PMEPA1: variants seen among roughly 807,000 people sequenced by gnomAD.
The protein encoded by PMEPA1 is prostate transmembrane protein, androgen induced 1, also known as protein TMEPAI.
A neutral mutation model predicts 23.0 loss-of-function variants in PMEPA1; 11 were observed. The ratio of observed to expected loss-of-function variants is 0.48; its 90% confidence interval spans 0.30 to 0.79. The LOEUF (loss-of-function observed/expected upper bound fraction) is 0.79, where lower values mean the gene tolerates loss of function less well. Among genes scored for constraint, PMEPA1 ranks in the 30% least tolerant of loss-of-function variants. PMEPA1 has a pLI of 0.06. For missense variants in PMEPA1, 377 were observed against 390.9 expected (o/e 0.96, Z 0.30); for synonymous variants, 204 against 166.4 (o/e 1.23, Z -1.74).
At chr20:57,659,869 G>C (rs1436857855) in intron 1 of PMEPA1, among the ~76,000 whole-genome samples, 172 bp from the exon 2 acceptor site, 2 of 152,250 alleles carry the variant, frequency 1.3e-5, no homozygotes, top group Non-Finnish European at 2.9e-5. Flanking sequence ...TGGGGCTGGG[G>C]TACGTGCAGG....
At position 57,655,499 on chromosome 20, in the gene PMEPA1, T is replaced by C. The variant is rs1422711171; in HGVS notation, c.265-2413A>G. ...GTTGCTACTTAAGTGCGGAAGTTGC[T>C]GGGTGACCCGTGCAAGTCATCTTTG... On this transcript the variant is annotated intron_variant, in intron 2 of 3. Coordinates refer to ENST00000341744, the MANE Select transcript of PMEPA1 (RefSeq NM_020182.5). This position sits in a 1 kb window ranked among gnomAD's most constrained non-coding sequence, Gnocchi z 4.2. Among the ~76,000 whole-genome samples, 3 of 152,252 alleles carry C rather than the reference T, an allele frequency of 2.0e-5. No homozygotes were observed. Among genetic ancestry groups the C allele is most frequent in the Non-Finnish European group, 4.4e-5 (3 of 68,042 alleles).
In PMEPA1 at chr20:57,709,937, G is replaced by GCCT. The variant is rs959113268; in HGVS notation, c.-358_-356dup. Reference sequence around the variant, plus strand: ...CGCCTCCGCCGCCGCCGCCGCCGCCGCCTCCTCCTCCTCATTCAAGTCCAA... The same window carrying GCCT: ...CGCCTCCGCCGCCGCCGCCGCCGCCGCCTCCTCCTCCTCCTCATTCAAGTCCAA... On this transcript the variant is annotated 5_prime_UTR_variant, in exon 1 of 4. Transcript: ENST00000341744. 24 of 1,009,756 alleles carry GCCT rather than the reference G, an allele frequency of 2.4e-5. No individual in the cohort carries two copies. Among genetic ancestry groups the GCCT allele is most frequent in the Admixed American group, 1.8e-4 (3 of 16,708 alleles). 62.5% of individuals were successfully genotyped at this position (1,009,756 alleles called of 1,614,324 possible). A position where few individuals can be genotyped will look rare whatever the true frequency, so the allele number is the denominator to read the frequency against.
rs1189007456 is a variant in PMEPA1, at chr20:57,682,757, G to A, written c.110-23060C>T. Among the ~76,000 whole-genome samples the A allele has an allele frequency of 6.6e-6, 1 of 152,250 alleles. No homozygotes were observed. Among genetic ancestry groups the A allele is most frequent in the Non-Finnish European group, 1.5e-5 (1 of 68,044 alleles). ...CTGGAGGAAGGAAAGTTCAATGGATGAGCTATAAATATTTCTGCTAGATGC... is the reference window on the plus strand; with the variant it reads ...CTGGAGGAAGGAAAGTTCAATGGATAAGCTATAAATATTTCTGCTAGATGC... On this transcript the variant is annotated intron_variant, in intron 1 of 3. Transcript: ENST00000341744. This position sits in a 1 kb window ranked among gnomAD's most constrained non-coding sequence, Gnocchi z 4.4.
intron 1 of PMEPA1, among the ~76,000 whole-genome samples, chr20:57,702,703 C>T (rs1455210175): frequency 6.6e-6 from 1 of 152,208 alleles, no homozygotes; most frequent in Non-Finnish European, 1.5e-5. Context: ...GCTGTGTGAC[C>T]TCGAGCAAGT....
At position 57,702,226 on chromosome 20, in the gene PMEPA1, C is replaced by T. The variant is rs974460511; in HGVS notation, c.109+7248G>A. Among the ~76,000 whole-genome samples, 9 of 152,208 alleles carry T rather than the reference C, an allele frequency of 5.9e-5. No homozygotes were observed. The East Asian group carries it at 7.7e-4, about 13-fold the overall frequency. On this transcript the variant is annotated intron_variant, in intron 1 of 3. Coordinates refer to ENST00000341744, the MANE Select transcript of PMEPA1 (RefSeq NM_020182.5). ...GAGGTGTGTGGCAGATGGTGCTGAA[C>T]GCTGAGCCCCTGCGGAGGCTGTGTC...
rs1448699285 is a variant in PMEPA1, at chr20:57,652,614, C to G, written c.319-16G>C. On this transcript the variant is annotated splice_polypyrimidine_tract_variant and intron_variant, in intron 3 of 3. Coordinates refer to ENST00000341744, the MANE Select transcript of PMEPA1 (RefSeq NM_020182.5). This position sits in a 1 kb window ranked among gnomAD's most constrained non-coding sequence, Gnocchi z 6.1. ...AGACCTGCGGCTGGAGGAAGCAGAG[C>G]GGGAGTGAGGGAGGGCGGCTGTCTC... The G allele has an allele frequency of 1.4e-6, 2 of 1,455,506 alleles. No homozygotes were observed. Among genetic ancestry groups the G allele is most frequent in the African/African-American group, 2.8e-5 (2 of 70,304 alleles). 90.2% of individuals were successfully genotyped at this position (1,455,506 alleles called of 1,614,324 possible). A position where few individuals can be genotyped will look rare whatever the true frequency, so the allele number is the denominator to read the frequency against.
intron 1 of PMEPA1, among the ~76,000 whole-genome samples, chr20:57,693,243 G>C (rs1286223218): frequency 6.6e-6 from 1 of 152,210 alleles, no homozygotes; most frequent in Non-Finnish European, 1.5e-5. Context: ...TCAGGTAGGA[G>C]GCAGGCCCAC....
At chr20:57,669,225 C>T (rs1369202405) in intron 1 of PMEPA1, among the ~76,000 whole-genome samples, 2 of 152,068 alleles carry the variant, frequency 1.3e-5, no homozygotes, top group African/African-American at 2.4e-5. Flanking sequence ...TGCAGTGGTG[C>T]AATCTTGACT....
At chr20:57,686,520 C>T (rs900520422) in intron 1 of PMEPA1, among the ~76,000 whole-genome samples, 3 of 152,236 alleles carry the variant, frequency 2.0e-5, no homozygotes, top group African/African-American at 7.2e-5. Flanking sequence ...AGGGAAGTCA[C>T]CTCCCTGAGC....
intron 2 of PMEPA1, among the ~76,000 whole-genome samples, chr20:57,657,302 C>A (rs1474563391): frequency 1.3e-5 from 2 of 152,172 alleles, no homozygotes; most frequent in African/African-American, 4.8e-5. Flanking sequence ...AGGGCTGGTG[C>A]CTTCTGGAAT....
At chr20:57,668,432 C>G (rs887498396) in intron 1 of PMEPA1, among the ~76,000 whole-genome samples, 4 of 152,186 alleles carry the variant, frequency 2.6e-5, no homozygotes, top group African/African-American at 9.7e-5. Flanking sequence ...GCAAGAACTA[C>G]GAAAGTTAAC....
chr20:57,663,114 C>T (rs203373), intron 1 of PMEPA1, among the ~76,000 whole-genome samples: 59,694 of 152,116 alleles, frequency 0.39, 11,950 homozygotes, highest in East Asian at 0.53. Context: ...ACCCTGGTCC[C>T]TGGGCCACCA....
chr20:57,673,518 T>C (rs2071597358), intron 1 of PMEPA1, among the ~76,000 whole-genome samples: 1 of 152,188 alleles, frequency 6.6e-6, no homozygotes, highest in African/African-American at 2.4e-5. Flanking sequence ...GAGCCCGGCA[T>C]GCAGGAGTCC....
At chr20:57,702,048 A>G (rs1200014691) in intron 1 of PMEPA1, among the ~76,000 whole-genome samples, 2 of 152,200 alleles carry the variant, frequency 1.3e-5, no homozygotes, top group Non-Finnish European at 2.9e-5. Context: ...GAGGCCCTGA[A>G]GGTGCCTCTG....
intron 1 of PMEPA1, among the ~76,000 whole-genome samples, chr20:57,684,334 C>T (rs2071770318): frequency 6.6e-6 from 1 of 151,960 alleles, no homozygotes; most frequent in Admixed American, 6.6e-5. Flanking sequence ...ACCCCGCAGC[C>T]CTCGCTCCAG....
intron 1 of PMEPA1, among the ~76,000 whole-genome samples, chr20:57,706,202 C>A (rs556633707): frequency 4.2e-4 from 64 of 152,332 alleles, no homozygotes; most frequent in African/African-American, 1.5e-3. Context: ...TGAGCAGACA[C>A]CGGGTGGCCC....
chr20:57,651,939 A>AG lies in PMEPA1; in HGVS notation c.*113dup, dbSNP rs2071236804. 1.4e-6 allele frequency: 1 copy of AG among 733,408 alleles called. No individual in the cohort carries two copies. The highest frequency in any genetic ancestry group is 1.9e-5 in the African/African-American group (1 of 53,870). 45.4% of individuals were successfully genotyped at this position (733,408 alleles called of 1,614,324 possible). A position where few individuals can be genotyped will look rare whatever the true frequency, so the allele number is the denominator to read the frequency against. On this transcript the variant is annotated 3_prime_UTR_variant, in exon 4 of 4. Coordinates refer to ENST00000341744, the MANE Select transcript of PMEPA1 (RefSeq NM_020182.5). ...TTTATACACAGGGAGGTGGGAGGGG[A>AG]GGGCCACACGATGCGTTGCTGCGCC...
upstream of PMEPA1, chr20:57,711,187 A>G (rs1381963211): frequency 6.6e-6 from 1 of 152,212 alleles, no homozygotes; most frequent in East Asian, 1.9e-4. Flanking sequence ...CTGGAGTTTC[A>G]GTAATTAGCA....
chr20:57,709,609 C>G lies in PMEPA1; in HGVS notation c.-27G>C. ...GACGGCGCGGCGGCGCGGCGCGGGG[C>G]GCGGGGGGCTCGGGGGCGGCCGGGG... is the stretch of plus-strand genomic sequence containing the variant. On this transcript the variant is annotated 5_prime_UTR_variant, in exon 1 of 4. Coordinates refer to ENST00000341744, the MANE Select transcript of PMEPA1 (RefSeq NM_020182.5). 1 of 767,294 alleles carries G rather than the reference C, an allele frequency of 1.3e-6. No homozygotes were observed. 47.5% of individuals were successfully genotyped at this position (767,294 alleles called of 1,614,324 possible). A position where few individuals can be genotyped will look rare whatever the true frequency, so the allele number is the denominator to read the frequency against.
Sources: allele counts gnomAD v4.1 joint callset (sites outside exome capture counted in the v4.1 genomes callset), GRCh38; gene constraint gnomAD v4.1.1; non-coding constraint Gnocchi (gnomAD v3.1); transcripts MANE v1.5; gene names NCBI Gene and HGNC (gene_info 2026-07-23, HGNC 2026-07-21).